Variants in CEMIP observed in about 807,000 individuals in gnomAD.
The protein encoded by CEMIP is cell migration-inducing and hyaluronan-binding protein.
In CEMIP, 105 loss-of-function variants were observed where a neutral mutation model predicts 156.9. The observed-to-expected ratio is 0.67, with a 90% CI of 0.57 to 0.79. The LOEUF (loss-of-function observed/expected upper bound fraction) is 0.79. CEMIP is among the 30% of genes least tolerant of loss of function. CEMIP has a pLI of 0.00. For synonymous variants in CEMIP, 676 were observed against 668.4 expected (o/e 1.01, Z -0.17); for missense variants, 1,457 against 1,769.4 (o/e 0.82, Z 3.17).
At chr15:80,802,864 C>T (rs2141606397) in intron 1 of CEMIP, among the ~76,000 whole-genome samples, 1 of 152,312 alleles carries the variant, frequency 6.6e-6, no homozygotes, top group East Asian at 1.9e-4. Context: ...GGGAGGAATA[C>T]CCTTGGTTTT....
At chr15:80,829,696 A>G (rs1356636164) in intron 1 of CEMIP, among the ~76,000 whole-genome samples, 1 of 152,186 alleles carries the variant, frequency 6.6e-6, no homozygotes, top group Non-Finnish European at 1.5e-5. Flanking sequence ...TAGAACAGAG[A>G]TTTGCTGCAC....
intron 9 of CEMIP, 116 bp downstream of exon 9, chr15:80,888,912 C>A: frequency 1.0e-6 from 1 of 975,142 alleles, no homozygotes; most frequent in Non-Finnish European, 1.6e-6. Context: ...TTAATTTTTG[C>A]AGAATCAACT....
At chr15:80,881,228 G>A in intron 6 of CEMIP, 92 bp downstream of exon 6, 1 of 1,080,362 alleles carries the variant, frequency 9.3e-7, no homozygotes, top group Non-Finnish European at 1.4e-6. Flanking sequence ...TAGGTGCTGG[G>A]AGAACAGCAG....
At chr15:80,911,548 CA>C in intron 14 of CEMIP, among the ~76,000 whole-genome samples, 2 of 152,148 alleles carry the variant, frequency 1.3e-5, no homozygotes, top group African/African-American at 4.8e-5. Context: ...CACACACACA[CA>C]CACACACCCT....
rs1349354608 is a variant in CEMIP, at chr15:80,881,120, G to A, written c.601G>A (p.Val201Ile). ...VHVIDPKSGT[V>I]IHSDRFDTYR... ...TGTCATCGACCCCAAATCAGGCACAGTCATCCATTCTGACCGGTAAGGTTT... is the reference window on the plus strand; with the variant it reads ...TGTCATCGACCCCAAATCAGGCACAATCATCCATTCTGACCGGTAAGGTTT... The change falls in exon 6 of 30, where the codon GTC becomes ATC. Residue 201 changes from valine (V) to isoleucine (I), a missense_variant. Val to Ile is a conservative substitution (Grantham distance 29, BLOSUM62 3). This residue lies in a region of CEMIP where 309 missense variants were observed against 340.8 expected (regional missense o/e 0.91). Coordinates refer to ENST00000394685, the MANE Select transcript of CEMIP (RefSeq NM_001293298.2). 6.2e-7 allele frequency: 1 copy of A among 1,614,110 alleles called. No individual in the cohort carries two copies. The highest frequency in any genetic ancestry group is 2.2e-5 in the East Asian group (1 of 44,874).
chr15:80,890,315 A>G (rs1898992454), intron 10 of CEMIP, among the ~76,000 whole-genome samples: 2 of 152,046 alleles, frequency 1.3e-5, no homozygotes, highest in South Asian at 4.1e-4. Flanking sequence ...TCAGTGGATC[A>G]TGCCTGTAAT....
intron 12 of CEMIP, among the ~76,000 whole-genome samples, chr15:80,898,214 T>C (rs1899311438): frequency 6.6e-6 from 1 of 152,232 alleles, no homozygotes; most frequent in South Asian, 2.1e-4. Context: ...CACCTGGAAT[T>C]TGGGTTCCAG....
At chr15:80,919,179 C>T (rs543270404) in intron 14 of CEMIP, among the ~76,000 whole-genome samples, 4 of 152,262 alleles carry the variant, frequency 2.6e-5, no homozygotes, top group South Asian at 2.1e-4. Context: ...GCTTGATGCA[C>T]GTCTTGGGCT....
At chr15:80,817,640 A>ATAATAATAATAT (rs1166779489) in intron 1 of CEMIP, among the ~76,000 whole-genome samples, 1 of 145,744 alleles carries the variant, frequency 6.9e-6, no homozygotes, top group African/African-American at 2.5e-5. Flanking sequence ...AATAATAATA[A>ATAATAATAATAT]TATGTAAGTA....
At chr15:80,813,646 G>A (rs566206555) in intron 1 of CEMIP, among the ~76,000 whole-genome samples, 122 of 152,032 alleles carry the variant, frequency 8.0e-4, no homozygotes, top group Non-Finnish European at 1.4e-3. Context: ...ACACCCGGCC[G>A]GAGCAGCAGT....
chr15:80,797,157 C>T (rs758879871), intron 1 of CEMIP, among the ~76,000 whole-genome samples: 1 of 152,084 alleles, frequency 6.6e-6, no homozygotes, highest in Admixed American at 6.5e-5. Flanking sequence ...GAACTGCCTA[C>T]GGGAATTGTG....
rs3221932 is a variant in CEMIP at position 80,848,900 on chromosome 15, GCACACA to G, written c.-175-24616_-175-24611del. On this transcript the variant is annotated intron_variant, in intron 1 of 29. Transcript: ENST00000394685. ...TGTTCTCTGATGAGCGTGTGCGCGT[GCACACA>G]CACACACACACACACACACACCCTG... Among the ~76,000 whole-genome samples the G allele has an allele frequency of 9.7e-5, 13 of 134,632 alleles. No homozygotes were observed. The East Asian group carries it at 2.2e-3, about 23-fold the overall frequency. The allele number at this position is 134,632 out of a possible 152,430, so 88.3% of individuals were successfully genotyped here.
intron 1 of CEMIP, among the ~76,000 whole-genome samples, chr15:80,831,720 CTG>C (rs1441021166): frequency 1.3e-5 from 2 of 152,192 alleles, no homozygotes; most frequent in African/African-American, 4.8e-5. Flanking sequence ...ACCTGCAGCT[CTG>C]TGTGTCCAGA....
chr15:80,887,853 A>C, intron 8 of CEMIP, 89 bp downstream of exon 8: 4 of 1,079,712 alleles, frequency 3.7e-6, no homozygotes, highest in Non-Finnish European at 5.6e-6. Context: ...CACTTTTCTC[A>C]GAGCATGGCT....
At chr15:80,793,480 C>G (rs975449522) in intron 1 of CEMIP, among the ~76,000 whole-genome samples, 5 of 152,124 alleles carry the variant, frequency 3.3e-5, no homozygotes, top group African/African-American at 1.2e-4. Flanking sequence ...GCTGGGTTTC[C>G]CACAGGTAGG....
At chr15:80,841,672 A>G (rs1200814016) in intron 1 of CEMIP, among the ~76,000 whole-genome samples, 5 of 152,014 alleles carry the variant, frequency 3.3e-5, no homozygotes, top group Admixed American at 3.3e-4. Flanking sequence ...TTTCCCTCTT[A>G]CAGGTCCTTG....
chr15:80,942,366 G>C lies in CEMIP; in HGVS notation c.3699+29G>C, dbSNP rs368834889. 4 of 1,584,308 alleles carry C rather than the reference G, an allele frequency of 2.5e-6. No individual in the cohort carries two copies. In the Admixed American group the frequency reaches 6.7e-5, roughly 26 times the overall value. On this transcript the variant is annotated intron_variant, in intron 27 of 29. Coordinates refer to ENST00000394685, the MANE Select transcript of CEMIP (RefSeq NM_001293298.2). ...AGTGCCTCTGGCCCCTGGAGGATTC[G>C]GGTTTGCTCATTGAGAGGTGATACT...
At chr15:80,841,416 G>T (rs1365772367) in intron 1 of CEMIP, among the ~76,000 whole-genome samples, 1 of 152,178 alleles carries the variant, frequency 6.6e-6, no homozygotes, top group Non-Finnish European at 1.5e-5. Context: ...GGCAAGAAGG[G>T]CATGGGATCA....
At chr15:80,787,738 G>C (rs1895976371) in intron 1 of CEMIP, among the ~76,000 whole-genome samples, 1 of 151,922 alleles carries the variant, frequency 6.6e-6, no homozygotes, top group East Asian at 1.9e-4. Context: ...AACTGTCTTA[G>C]GGGGCTGGCC....
Sources: allele counts gnomAD v4.1 joint callset (sites outside exome capture counted in the v4.1 genomes callset), GRCh38; gene constraint gnomAD v4.1.1; regional missense constraint gnomAD v4.1.1; transcripts MANE v1.5; gene names NCBI Gene and HGNC (gene_info 2026-07-23, HGNC 2026-07-21).